TAF1A: variants seen among roughly 807,000 people sequenced by gnomAD.
The protein encoded by TAF1A is TATA box-binding protein-associated factor RNA polymerase I subunit A.
A neutral mutation model predicts 61.6 loss-of-function variants in TAF1A; 42 were observed. The ratio of observed to expected loss-of-function variants is 0.68; its 90% CI spans 0.53 to 0.88. TAF1A has a LOEUF of 0.88. Ranked by LOEUF, TAF1A falls within the 40% of genes least tolerant of loss-of-function variation. The pLI is 0.00. For missense variants in TAF1A, 424 were observed against 518.7 expected (o/e 0.82, Z 1.77); for synonymous variants, 179 against 177.7 (o/e 1.01, Z -0.06).
At position 222,587,692 on chromosome 1, in the gene TAF1A, T is replaced by A. The variant is rs147708927; in HGVS notation, c.121+751A>T. On this transcript the variant is annotated intron_variant, in intron 2 of 10. Transcript: ENST00000352967. ...TACTTGCATTTATATTAGATAAAAA[T>A]GGGGGAAATTTTATCCCATAGAAAA... 1.8e-3 allele frequency among the ~76,000 whole-genome samples: 275 copies of A among 152,222 alleles called. 1 individual carries two copies. The highest frequency in any genetic ancestry group is 6.4e-3 in the African/African-American group (266 of 41,544).
intron 5 of TAF1A, among the ~76,000 whole-genome samples, chr1:222,574,656 T>TA (rs1660495434): frequency 6.6e-6 from 1 of 152,138 alleles, no homozygotes; most frequent in Non-Finnish European, 1.5e-5. Context: ...AAAAAATGAA[T>TA]AAATTAGAGC....
intron 8 of TAF1A, 142 bp downstream of exon 8, chr1:222,563,917 A>G: frequency 1.7e-6 from 1 of 602,668 alleles, no homozygotes; most frequent in Admixed American, 3.5e-5. Flanking sequence ...AGCCGCAGAC[A>G]ATACAGAAAC....
chr1:222,567,023 T>C (rs1467564427), intron 7 of TAF1A, among the ~76,000 whole-genome samples: 1 of 152,182 alleles, frequency 6.6e-6, no homozygotes, highest in Admixed American at 6.5e-5. Context: ...GCATTACTTA[T>C]AATAGCCAAA....
intron 5 of TAF1A, among the ~76,000 whole-genome samples, chr1:222,574,737 C>T (rs933355521): frequency 6.6e-6 from 1 of 152,080 alleles, no homozygotes; most frequent in Non-Finnish European, 1.5e-5. Context: ...AGAATATATA[C>T]AGTACAACTC....
intron 5 of TAF1A, among the ~76,000 whole-genome samples, chr1:222,573,566 A>AC: frequency 6.6e-6 from 1 of 152,252 alleles, no homozygotes; most frequent in East Asian, 1.9e-4. Flanking sequence ...TTTCACACCC[A>AC]CCAGGATGAC....
intron 5 of TAF1A, among the ~76,000 whole-genome samples, chr1:222,574,196 G>C (rs1342047333): frequency 6.6e-6 from 1 of 152,012 alleles, no homozygotes; most frequent in Non-Finnish European, 1.5e-5. Context: ...ACAACTCTAT[G>C]AATATACTAA....
chr1:222,575,702 G>A (rs912430420), intron 5 of TAF1A, among the ~76,000 whole-genome samples: 1 of 152,166 alleles, frequency 6.6e-6, no homozygotes, highest in African/African-American at 2.4e-5. Context: ...TGGTTATAAA[G>A]AACTAGTCCT....
intron 1 of TAF1A, among the ~76,000 whole-genome samples, chr1:222,589,033 G>A (rs1035740808): frequency 2.6e-5 from 4 of 152,158 alleles, no homozygotes; most frequent in Non-Finnish European, 4.4e-5. Context: ...GGGGCTTAGT[G>A]AAATGATGGA....
intron 5 of TAF1A, 40 bp from the exon 6 acceptor site, chr1:222,570,705 T>C (rs757654803): frequency 2.0e-6 from 3 of 1,517,040 alleles, no homozygotes; most frequent in Non-Finnish European, 2.7e-6. Context: ...TCATTAAACA[T>C]TGAGGACCTC....
intron 2 of TAF1A, among the ~76,000 whole-genome samples, chr1:222,586,383 T>A (rs1306389949): frequency 6.6e-6 from 1 of 152,226 alleles, no homozygotes; most frequent in Non-Finnish European, 1.5e-5. Context: ...ACAACTGAGA[T>A]TATAAATTGA....
chr1:222,562,137 G>A (rs1019846081), intron 9 of TAF1A, among the ~76,000 whole-genome samples: 1 of 152,114 alleles, frequency 6.6e-6, no homozygotes, highest in Non-Finnish European at 1.5e-5. Flanking sequence ...CTGTGTGTCT[G>A]TGAATAATTT....
Position 222,579,897 on chromosome 1 carries a change from A to C in TAF1A, c.292-25T>G, listed in dbSNP as rs748805687. 2.5e-6 allele frequency: 4 copies of C among 1,583,544 alleles called. No individual in the cohort carries two copies. The Admixed American group carries it at 7.9e-5, about 31-fold the overall frequency. ...TCTGTCAAAGCAGAAATTACTGCCA[A>C]AATGTAAAATTTTTGCCTTAACCAA... On this transcript the variant is annotated intron_variant, in intron 3 of 10. Coordinates refer to ENST00000352967, the MANE Select transcript of TAF1A (RefSeq NM_005681.4).
downstream of TAF1A, among the ~76,000 whole-genome samples, chr1:222,557,151 C>CTT (rs1659738851): frequency 1.3e-5 from 2 of 152,096 alleles, no homozygotes; most frequent in Admixed American, 1.3e-4. Context: ...ATGTGTGTCT[C>CTT]GCCATCTAAA....
intron 10 of TAF1A, 35 bp from the exon 11 acceptor site, chr1:222,558,807 T>C (rs761765563): frequency 2.8e-6 from 3 of 1,064,342 alleles, no homozygotes; most frequent in Non-Finnish European, 4.0e-6. Flanking sequence ...GTTTTAATAC[T>C]CATCACATTT....
At chr1:222,562,363 C>T (rs1453980970) in intron 9 of TAF1A, among the ~76,000 whole-genome samples, 1 of 151,642 alleles carries the variant, frequency 6.6e-6, no homozygotes, top group East Asian at 1.9e-4. Flanking sequence ...AATAGAGGTT[C>T]GAAAAAATGA....
chr1:222,582,342 A>G (rs1420794843), intron 3 of TAF1A, among the ~76,000 whole-genome samples: 1 of 152,260 alleles, frequency 6.6e-6, no homozygotes, highest in Non-Finnish European at 1.5e-5. Context: ...TGTTTTAAAA[A>G]GCTCACTCTG....
At chr1:222,554,652 T>A (rs970786092), downstream of TAF1A, among the ~76,000 whole-genome samples, 5 of 152,198 alleles carry the variant, frequency 3.3e-5, no homozygotes, top group African/African-American at 7.2e-5. Flanking sequence ...AAACAATGTT[T>A]CTATTTATTG....
rs555222639 is a variant in TAF1A at position 222,580,658 on chromosome 1, T to C, written c.292-786A>G. ...TCCTCATCTTCCCAACTCAGAGATA[T>C]CAAGATTTCATTTGTAGAATATCAC... is the stretch of plus-strand genomic sequence containing the variant. On this transcript the variant is annotated intron_variant, in intron 3 of 10. Transcript: ENST00000352967. Among the ~76,000 whole-genome samples the C allele has an allele frequency of 9.9e-5, 15 of 151,880 alleles. No individual in the cohort carries two copies. The East Asian group carries it at 1.2e-3, about 12-fold the overall frequency.
At chr1:222,566,898 C>T (rs1274008976) in intron 7 of TAF1A, among the ~76,000 whole-genome samples, 1 of 152,128 alleles carries the variant, frequency 6.6e-6, no homozygotes, top group Non-Finnish European at 1.5e-5. Context: ...TTGACAATTC[C>T]TCAAAAAGTT....
Sources: gnomAD v4.1 joint callset for allele counts (sites outside exome capture counted in the v4.1 genomes callset) on GRCh38, gnomAD v4.1.1 for gene constraint, MANE v1.5 for transcripts, NCBI Gene and HGNC (gene_info 2026-07-23, HGNC 2026-07-21) for gene names.